The following CTCFL variants were observed in gnomAD, a reference collection of about 807,000 sequenced individuals.
CTCFL encodes transcriptional repressor CTCFL.
Under a neutral mutation model 67.4 loss-of-function variants are expected in CTCFL, and 36 were observed. The observed-to-expected ratio is 0.53, with a 90% CI of 0.41 to 0.71. The LOEUF is 0.71. CTCFL is among the 30% of genes least tolerant of loss of function. The pLI is 0.00. For synonymous variants in CTCFL, 324 were observed against 302.3 expected (o/e 1.07, Z -0.75); for missense variants, 786 against 835.2 (o/e 0.94, Z 0.73).
intron 3 of CTCFL, among the ~76,000 whole-genome samples, chr20:57,521,159 A>G (rs1298851729): frequency 6.6e-6 from 1 of 152,232 alleles, no homozygotes; most frequent in Non-Finnish European, 1.5e-5. Flanking sequence ...TGTGAGAGGT[A>G]TGTTTCTGTT....
chr20:57,506,190 C>G (rs1200880472), intron 9 of CTCFL, among the ~76,000 whole-genome samples: 1 of 152,234 alleles, frequency 6.6e-6, no homozygotes, highest in Non-Finnish European at 1.5e-5. Context: ...CAAGGGCAGA[C>G]TCAAGAAGTC....
chr20:57,517,132 A>G (rs1210013704), intron 5 of CTCFL, among the ~76,000 whole-genome samples: 1 of 152,250 alleles, frequency 6.6e-6, no homozygotes, highest in African/African-American at 2.4e-5. Flanking sequence ...GCCTTCAAGT[A>G]TATTAGAAAG....
At chr20:57,508,814 C>T in intron 8 of CTCFL, 26 bp from the exon 9 acceptor site, 1 of 1,606,866 alleles carries the variant, frequency 6.2e-7, no homozygotes, top group Non-Finnish European at 8.5e-7. Context: ...AAGAAAGCAG[C>T]TTGTCTAGTT....
rs558942089 is a variant in CTCFL at position 57,504,340 on chromosome 20, C to T, written c.1675-739G>A. On this transcript the variant is annotated intron_variant, in intron 9 of 10. Transcript: ENST00000243914. Reference sequence around the variant, plus strand: ...TGTCACCCAGGCTGGAGTGCAGTGGCATGGTGTCAGCTCACTGCAACCTCT... The same window carrying T: ...TGTCACCCAGGCTGGAGTGCAGTGGTATGGTGTCAGCTCACTGCAACCTCT... Among the ~76,000 whole-genome samples, 9 of 150,524 alleles carry T rather than the reference C, an allele frequency of 6.0e-5. No individual in the cohort carries two copies. The South Asian group carries it at 1.9e-3, about 31-fold the overall frequency.
Position 57,500,085 on chromosome 20 carries a change from ATTTTTTTTT to A in CTCFL, c.1841-1393_1841-1385del, listed in dbSNP as rs3068009. ...ATTTTTGTCCATGCTTCCTTGAAGT[ATTTTTTTTT>A]TTTTTTTTTTGGTGGATGGAGGGAG... is the stretch of plus-strand genomic sequence containing the variant. On this transcript the variant is annotated intron_variant, in intron 10 of 10. Transcript: ENST00000243914. The A allele has an allele frequency of 9.7e-6, 9 of 925,272 alleles. No homozygotes were observed. The Admixed American group carries it at 7.7e-4, about 80-fold the overall frequency. The allele number at this position is 925,272 out of a possible 1,614,324, so 57.3% of individuals were successfully genotyped here. A position where few individuals can be genotyped will look rare whatever the true frequency, so the allele number is the denominator to read the frequency against.
At chr20:57,498,942 C>A (rs546619396) in intron 10 of CTCFL, among the ~76,000 whole-genome samples, 2 of 152,146 alleles carry the variant, frequency 1.3e-5, no homozygotes, top group Non-Finnish European at 1.5e-5. Context: ...GGGGGCAGGG[C>A]GCTGTTCTGG....
At chr20:57,518,239 G>C (rs1031479034) in intron 5 of CTCFL, among the ~76,000 whole-genome samples, 3 of 152,206 alleles carry the variant, frequency 2.0e-5, no homozygotes, top group Non-Finnish European at 4.4e-5. Flanking sequence ...CGCCAAACCT[G>C]TTAGAAGGTA....
At position 57,497,945 on chromosome 20, in the gene CTCFL, T is replaced by C. The variant is rs924898364; in HGVS notation, c.*605A>G. 5 of 943,018 alleles carry C rather than the reference T, an allele frequency of 5.3e-6. No homozygotes were observed. Among genetic ancestry groups the C allele is most frequent in the Non-Finnish European group, 6.3e-6 (5 of 791,638 alleles). 58.4% of individuals were successfully genotyped at this position (943,018 alleles called of 1,614,324 possible). On this transcript the variant is annotated 3_prime_UTR_variant, in exon 11 of 11. Transcript: ENST00000243914. ...ATCTAGTATTTCATTTCCTACTCAG[T>C]TTTCCTTTTTATAAGAGTAAAACAT... is the stretch of plus-strand genomic sequence containing the variant.
rs200989490 is a variant in CTCFL at position 57,523,771 on chromosome 20, C to G, written c.435G>C (p.Pro145=). The G allele has an allele frequency of 1.2e-6, 2 of 1,613,260 alleles. No homozygotes were observed. The highest frequency in any genetic ancestry group is 2.7e-5 in the African/African-American group (2 of 74,932). ...GGAACTGCAACACCTCCATCTCTTG[C>G]GGGGAGTACAGCTCTTGCTGGATAC... ...AISIQQELYS[P]QEMEVLQFHA... The change falls in exon 2 of 11, where the codon CCG becomes CCC. Residue 145 remains proline, a synonymous_variant. Coordinates refer to ENST00000243914, the MANE Select transcript of CTCFL (RefSeq NM_001386993.1).
At position 57,498,005 on chromosome 20, in the gene CTCFL, A is replaced by G. The variant is rs1238440479; in HGVS notation, c.*545T>C. On this transcript the variant is annotated 3_prime_UTR_variant, in exon 11 of 11. Transcript: ENST00000243914. The stretch of plus-strand genomic sequence containing the variant: ...GAATTTAGAACTAATTAAAAGCATT[A>G]TGGTAGCTTTAAATTTTGTAGAAAA... The G allele has an allele frequency of 1.3e-5, 12 of 908,326 alleles. No individual in the cohort carries two copies. The Admixed American group carries it at 3.7e-4, about 28-fold the overall frequency. 56.3% of individuals were successfully genotyped at this position (908,326 alleles called of 1,614,324 possible).
chr20:57,496,200 A>G, downstream of CTCFL: 1 of 538,848 alleles, frequency 1.9e-6, no homozygotes, highest in African/African-American at 1.9e-5. Context: ...TTCTCAAGGA[A>G]TCTGGTCGTT....
intron 8 of CTCFL, 84 bp from the exon 9 acceptor site, chr20:57,508,872 T>G (rs1883338692): frequency 8.1e-7 from 1 of 1,237,538 alleles, no homozygotes; most frequent in Admixed American, 2.2e-5. Flanking sequence ...CAATACCTTT[T>G]ATTTCCCTCC....
In CTCFL at chr20:57,503,286, A is replaced by G; in HGVS notation, c.1840+150T>C. Reference sequence around the variant, plus strand: ...TCACGCTATGCTCACTGCCATTCTGAGAGATCTGGCACAAGCCACCTTGCA... The same window carrying G: ...TCACGCTATGCTCACTGCCATTCTGGGAGATCTGGCACAAGCCACCTTGCA... On this transcript the variant is annotated intron_variant, in intron 10 of 10. Coordinates refer to ENST00000243914, the MANE Select transcript of CTCFL (RefSeq NM_001386993.1). 7 of 857,678 alleles carry G rather than the reference A, an allele frequency of 8.2e-6. No individual in the cohort carries two copies. The South Asian group carries it at 1.2e-4, about 14-fold the overall frequency. 53.1% of individuals were successfully genotyped at this position (857,678 alleles called of 1,614,324 possible). A position where few individuals can be genotyped will look rare whatever the true frequency, so the allele number is the denominator to read the frequency against.
Position 57,504,562 on chromosome 20 carries a change from G to A in CTCFL, c.1675-961C>T, listed in dbSNP as rs187104580. On this transcript the variant is annotated intron_variant, in intron 9 of 10. Transcript: ENST00000243914. ...CTCCCAAAGTGCTGAGATTACAGGC[G>A]TGAGCCACCGCACTGGCCAAGATAA... Among the ~76,000 whole-genome samples, 37 of 151,776 alleles carry A rather than the reference G, an allele frequency of 2.4e-4. No homozygotes were observed. In the East Asian group the frequency reaches 6.3e-3, roughly 26 times the overall value.
Position 57,517,114 on chromosome 20 carries a change from A to T in CTCFL, c.1060-1280T>A, listed in dbSNP as rs142563125. On this transcript the variant is annotated intron_variant, in intron 5 of 10. Transcript: ENST00000243914. ...AATTTCACTTAGGTTTTCAGAAGAA[A>T]AGTGAATGCCTTCAAGTATATTAGA... Among the ~76,000 whole-genome samples, 4 of 152,346 alleles carry T rather than the reference A, an allele frequency of 2.6e-5. No individual in the cohort carries two copies. The East Asian group carries it at 7.7e-4, about 29-fold the overall frequency.
chr20:57,500,922 T>C (rs545861850), intron 10 of CTCFL, among the ~76,000 whole-genome samples: 1 of 152,274 alleles, frequency 6.6e-6, no homozygotes, highest in East Asian at 1.9e-4. Flanking sequence ...TGCACAAGTG[T>C]CCTTTAGGTG....
Position 57,523,738 on chromosome 20 carries a change from T to C in CTCFL, c.468A>G (p.Leu156=), listed in dbSNP as rs2069586715. 6.2e-7 allele frequency: 1 copy of C among 1,613,388 alleles called. No homozygotes were observed. Among genetic ancestry groups the C allele is most frequent in the East Asian group, 2.2e-5 (1 of 44,884 alleles). The part of the protein sequence containing the change: ...QEMEVLQFHA[L]EENVMVASED... ...CACTGGCCACCATCACATTCTCCTC[T>C]AGAGCGTGGAACTGCAACACCTCCA... Residue 156 remains leucine (L), a synonymous_variant, in exon 2 of 11, where the codon CTA becomes CTG. Transcript: ENST00000243914.
Position 57,519,330 on chromosome 20 carries a change from T to TAGAAG in CTCFL, c.797_801dup (p.Arg268LeufsTer11). Reference sequence around the variant, plus strand: ...ATATGACGATTAAAACTTGACATTCTAGAAGAGGTGAACATGCAGACATCA... The same window carrying TAGAAG: ...ATATGACGATTAAAACTTGACATTCTAGAAGAGAAGAGGTGAACATGCAGACATCA... On this transcript the variant is annotated frameshift_variant, in exon 4 of 11. Coordinates refer to ENST00000243914, the MANE Select transcript of CTCFL (RefSeq NM_001386993.1). LOFTEE classifies it high-confidence loss of function. The TAGAAG allele has an allele frequency of 6.2e-7, 1 of 1,614,188 alleles. No individual in the cohort carries two copies.
rs963889516 is a variant in CTCFL at position 57,524,103 on chromosome 20, C to T, written c.103G>A (p.Val35Met). The change falls in exon 2 of 11, where the codon GTG becomes ATG. Residue 35 changes from valine (V) to methionine (M), a missense_variant. Physicochemically the swap from Val to Met is conservative, Grantham distance 21 (BLOSUM62 1). Around this residue, in one of 3 missense-constraint regions of CTCFL, gnomAD observed 333 missense variants for 304.6 expected, o/e 1.09. Coordinates refer to ENST00000243914, the MANE Select transcript of CTCFL (RefSeq NM_001386993.1). ...CTCCGATGGTCTTTCTCTCTGCACA[C>T]TCCGTCTTTTTCCTCCTCCTTCAGG... ...KGLKEEEKDG[V>M]CREKDHRSPS... 12 of 1,613,694 alleles carry T rather than the reference C, an allele frequency of 7.4e-6. No homozygotes were observed. In the Middle Eastern group the frequency reaches 4.9e-4, roughly 66 times the overall value.
Sources: allele counts gnomAD v4.1 joint callset (sites outside exome capture counted in the v4.1 genomes callset), GRCh38; gene constraint gnomAD v4.1.1; regional missense constraint gnomAD v4.1.1; transcripts MANE v1.5; gene names NCBI Gene and HGNC (gene_info 2026-07-23, HGNC 2026-07-21).